Variants in PI4KA observed in about 807,000 individuals in gnomAD.
The protein encoded by PI4KA is PI4-kinase alpha.
PI4KA carries 122 observed loss-of-function variants against 271.4 expected under a neutral mutation model. The ratio of observed to expected loss-of-function variants is 0.45; its 90% CI spans 0.39 to 0.52. The LOEUF (loss-of-function observed/expected upper bound fraction) is 0.52. Ranked by LOEUF, PI4KA falls within the 20% of genes least tolerant of loss-of-function variation. PI4KA has a pLI of 0.00. For synonymous variants in PI4KA, 1,041 were observed against 1,078.8 expected, an observed-to-expected ratio of 0.96 and a Z score of 0.69; for missense variants, 1,969 against 2,769.1, an observed-to-expected ratio of 0.71 and a Z score of 6.48.
In PI4KA at chr22:20,747,670, C is replaced by T. The variant is rs1218260869; in HGVS notation, c.3276G>A (p.Ser1092=). The T allele has an allele frequency of 1.9e-6, 3 of 1,613,810 alleles. No homozygotes were observed. The highest frequency in any genetic ancestry group is 1.7e-6 in the Non-Finnish European group (2 of 1,179,766). Residue 1092 remains serine (S), a synonymous_variant, in exon 29 of 55, where the codon TCG becomes TCA. Coordinates refer to ENST00000255882, the MANE Select transcript of PI4KA (RefSeq NM_058004.4). ...CCAGCCCCGTGTGCTGGGACAGTCC[C>T]GATACCCAGTTCTGATGTTTGTTCA... ...EYLNKHQNWV[S]GLSQHTGLAM...
intron 1 of PI4KA, among the ~76,000 whole-genome samples, chr22:20,839,174 G>A (rs551006019): frequency 2.0e-5 from 3 of 152,150 alleles, no homozygotes; most frequent in Admixed American, 1.3e-4. Flanking sequence ...CCAAGATCGT[G>A]CCACTGCACT....
chr22:20,779,528 G>C (rs1475826823), intron 19 of PI4KA: 1 of 1,613,972 alleles, frequency 6.2e-7, no homozygotes, highest in Admixed American at 1.7e-5. Context: ...GGATTCCAGA[G>C]GGGGAGGAGG....
intron 7 of PI4KA, among the ~76,000 whole-genome samples, chr22:20,815,033 A>C (rs1793331822): frequency 6.6e-6 from 1 of 152,018 alleles, no homozygotes; most frequent in South Asian, 2.1e-4. Context: ...AAATATAGTA[A>C]ATAGGAACCC....
intron 22 of PI4KA, among the ~76,000 whole-genome samples, chr22:20,762,356 T>G (rs1292965167): frequency 1.3e-5 from 2 of 152,236 alleles, no homozygotes; most frequent in Non-Finnish European, 2.9e-5. Context: ...TTTGTGGTTT[T>G]AAAGCTCTCT....
rs1288806292 is a variant in PI4KA at position 20,712,599 on chromosome 22, C to G, written c.5689G>C (p.Glu1897Gln). The stretch of plus-strand genomic sequence containing the variant: ...CGGGAGGTGCAGTCGGGGATGCACT[C>G]GATCACCCCGCACTAGGAGGAAAGG... The part of the protein sequence containing the change: ...VATAPGCGVI[E>Q]CIPDCTSRDQ... The change falls in exon 50 of 55, where the codon GAG becomes CAG. Residue 1897 changes from glutamate (E) to glutamine (Q), a missense_variant. Physicochemically the swap from Glu to Gln is conservative, Grantham distance 29. Coordinates refer to ENST00000255882, the MANE Select transcript of PI4KA (RefSeq NM_058004.4). The G allele has an allele frequency of 6.3e-7, 1 of 1,584,060 alleles. No individual in the cohort carries two copies. Among genetic ancestry groups the G allele is most frequent in the Admixed American group, 1.8e-5 (1 of 55,042 alleles).
chr22:20,798,547 C>T lies in PI4KA; in HGVS notation c.2108+37G>A, dbSNP rs1475966886. 5 of 1,184,462 alleles carry T rather than the reference C, an allele frequency of 4.2e-6. No individual in the cohort carries two copies. In the East Asian group the frequency reaches 9.3e-5, roughly 22 times the overall value. 73.4% of individuals were successfully genotyped at this position (1,184,462 alleles called of 1,614,324 possible). On this transcript the variant is annotated intron_variant, in intron 17 of 54. Coordinates refer to ENST00000255882, the MANE Select transcript of PI4KA (RefSeq NM_058004.4). ...TCACATTTTTAAAGTAAGTTAAATA[C>T]TGTCATGATAAAAAAGTGACAATGA...
intron 8 of PI4KA, among the ~76,000 whole-genome samples, chr22:20,812,069 A>G (rs1461043389): frequency 1.3e-5 from 2 of 151,914 alleles, no homozygotes; most frequent in Non-Finnish European, 2.9e-5. Context: ...AAGTTAAAAT[A>G]TACTGCAAAA....
At chr22:20,746,444 A>G (rs1601395136) in intron 29 of PI4KA, among the ~76,000 whole-genome samples, 1 of 152,254 alleles carries the variant, frequency 6.6e-6, no homozygotes, top group African/African-American at 2.4e-5. Flanking sequence ...AAAGAACAAA[A>G]TATTTTAGGC....
At chr22:20,717,804 C>T (rs778164437) in intron 44 of PI4KA, 26 bp from the exon 45 acceptor site, 13 of 1,524,202 alleles carry the variant, frequency 8.5e-6, no homozygotes, top group African/African-American at 2.8e-5. Context: ...GAAATTCTTG[C>T]TTTGTCTCCT....
intron 19 of PI4KA, chr22:20,780,007 T>C: frequency 6.2e-7 from 1 of 1,614,172 alleles, no homozygotes; most frequent in Non-Finnish European, 8.5e-7. Flanking sequence ...CAGTTTCCAA[T>C]CCTGCTTGAC....
intron 1 of PI4KA, among the ~76,000 whole-genome samples, chr22:20,849,333 C>A (rs950328835): frequency 6.6e-6 from 1 of 152,140 alleles, no homozygotes; most frequent in Admixed American, 6.5e-5. Context: ...CCCAGCAATT[C>A]CACATCTAGT....
intron 45 of PI4KA, among the ~76,000 whole-genome samples, chr22:20,716,175 C>T (rs866787733): frequency 1.3e-5 from 2 of 152,338 alleles, no homozygotes; most frequent in African/African-American, 2.4e-5. Context: ...CTCAGCCTCC[C>T]GAGTAGCTGG....
At chr22:20,725,308 C>T in intron 42 of PI4KA, 2 of 198,520 alleles carry the variant, frequency 1.0e-5, no homozygotes, top group South Asian at 1.5e-4. Flanking sequence ...GCGGCTCGGG[C>T]TCCTGGCTGT....
At chr22:20,847,517 G>A (rs1206027590) in intron 1 of PI4KA, among the ~76,000 whole-genome samples, 2 of 152,122 alleles carry the variant, frequency 1.3e-5, no homozygotes, top group African/African-American at 2.4e-5. Flanking sequence ...TTGAGCCCAG[G>A]AATTCAAGAC....
chr22:20,721,172 G>A, intron 43 of PI4KA, 126 bp downstream of exon 43: 2 of 918,428 alleles, frequency 2.2e-6, no homozygotes, highest in Non-Finnish European at 3.5e-6. Flanking sequence ...CCCCAGCAAA[G>A]GGTGGGAGTG....
intron 14 of PI4KA, among the ~76,000 whole-genome samples, chr22:20,800,896 CTT>C (rs361649): frequency 2.2e-5 from 3 of 134,020 alleles, no homozygotes; most frequent in South Asian, 5.0e-4. Context: ...GGAAGAATTT[CTT>C]TTTTTTTTTG....
chr22:20,724,051 T>C (rs1186754118), intron 42 of PI4KA, among the ~76,000 whole-genome samples: 1 of 151,502 alleles, frequency 6.6e-6, no homozygotes, highest in Non-Finnish European at 1.5e-5. Flanking sequence ...TGTTAGCCAG[T>C]ATGGTCTCGA....
chr22:20,805,057 T>C lies in PI4KA; in HGVS notation c.1277A>G (p.Asn426Ser), dbSNP rs1459329709. The C allele has an allele frequency of 1.2e-6, 2 of 1,614,134 alleles. No homozygotes were observed. The highest frequency in any genetic ancestry group is 1.3e-5 in the African/African-American group (1 of 75,050). The change falls in exon 11 of 55, where the codon AAT becomes AGT. Residue 426 changes from asparagine (N) to serine (S), a missense_variant. Asn to Ser is a conservative substitution (Grantham distance 46). This residue lies in a region of PI4KA where 540 missense variants were observed against 555.5 expected (regional missense o/e 0.97). Coordinates refer to ENST00000255882, the MANE Select transcript of PI4KA (RefSeq NM_058004.4). The part of the protein sequence containing the change: ...KILHDADRIH[N>S]ELSPLKLRCQ... Reference sequence around the variant, plus strand: ...GCGCAGTTTGAGGGGGCTCAGCTCATTGTGGATCCGGTCTGCGTCATGTAG... The same window carrying C: ...GCGCAGTTTGAGGGGGCTCAGCTCACTGTGGATCCGGTCTGCGTCATGTAG...
At chr22:20,739,232 G>C (rs1387918543) in intron 32 of PI4KA, among the ~76,000 whole-genome samples, 2 of 151,508 alleles carry the variant, frequency 1.3e-5, no homozygotes, top group Admixed American at 6.6e-5. Context: ...TGTAGTCTCA[G>C]CTACTCGGGA....
Sources: gnomAD v4.1 joint callset for allele counts (sites outside exome capture counted in the v4.1 genomes callset) on GRCh38, gnomAD v4.1.1 for gene constraint, gnomAD v4.1.1 regional missense constraint, MANE v1.5 for transcripts, NCBI Gene and HGNC (gene_info 2026-07-23, HGNC 2026-07-21) for gene names.